The following ENOSF1 variants were observed in gnomAD, a reference collection of about 807,000 sequenced individuals.
The protein encoded by ENOSF1 is mitochondrial enolase superfamily member 1.
In ENOSF1, 73 loss-of-function variants were observed where a neutral mutation model predicts 68.2. The ratio of observed to expected loss-of-function variants is 1.07; its 90% CI spans 0.89 to 1.30. The LOEUF is 1.30. Among genes scored for constraint, ENOSF1 ranks in the 50% most tolerant of loss-of-function variants. ENOSF1 has a pLI of 0.00. For synonymous variants in ENOSF1, 223 were observed against 210.4 expected (o/e 1.06, Z -0.52); for missense variants, 589 against 554.5 (o/e 1.06, Z -0.62).
chr18:694,616 A>G (rs2077528904), intron 3 of ENOSF1, among the ~76,000 whole-genome samples: 1 of 150,632 alleles, frequency 6.6e-6, no homozygotes. Flanking sequence ...CAACAGAGCA[A>G]GACTCTGTCT....
intron 1 of ENOSF1, among the ~76,000 whole-genome samples, chr18:710,510 C>T (rs1427867974): frequency 6.6e-6 from 1 of 152,032 alleles, no homozygotes; most frequent in African/African-American, 2.4e-5. Flanking sequence ...TACAGCCACC[C>T]CTCCTTTTTT....
chr18:688,174 A>T (rs1007548733), intron 9 of ENOSF1: 4 of 164,916 alleles, frequency 2.4e-5, no homozygotes, highest in African/African-American at 9.6e-5. Flanking sequence ...TCTCAAAAAA[A>T]AAAAAGAGAA....
At chr18:697,116 C>T in intron 3 of ENOSF1, 124 bp downstream of exon 3, 1 of 782,200 alleles carries the variant, frequency 1.3e-6, no homozygotes, top group Non-Finnish European at 2.2e-6. Flanking sequence ...GACTCCATCT[C>T]AAAAAATAAA....
intron 11 of ENOSF1, chr18:682,864 C>G: frequency 6.1e-6 from 1 of 165,044 alleles, no homozygotes. Context: ...GCCTGGGCAA[C>G]AGAGTAAGAC....
chr18:690,717 G>C (rs1408545496), intron 7 of ENOSF1, 86 bp from the exon 8 acceptor site: 1 of 1,582,130 alleles, frequency 6.3e-7, no homozygotes, highest in Non-Finnish European at 8.6e-7. Context: ...GTTTCCCCTG[G>C]AGAGTCCAGC....
chr18:710,417 G>A (rs1436272723), intron 1 of ENOSF1, among the ~76,000 whole-genome samples: 1 of 152,082 alleles, frequency 6.6e-6, no homozygotes, highest in African/African-American at 2.4e-5. Context: ...GCCAAACCAG[G>A]CTGTCTTAAC....
At chr18:683,753 T>C (rs1360373415) in intron 10 of ENOSF1, among the ~76,000 whole-genome samples, 1 of 151,942 alleles carries the variant, frequency 6.6e-6, no homozygotes, top group Non-Finnish European at 1.5e-5. Context: ...AGAAACCATT[T>C]TGTCACATTC....
chr18:693,720 A>C, intron 5 of ENOSF1, 162 bp downstream of exon 5: 2 of 985,392 alleles, frequency 2.0e-6, no homozygotes, highest in Non-Finnish European at 2.4e-6. Context: ...GTTACGTCAG[A>C]TATCAGAAAA....
Position 712,559 on chromosome 18 carries a change from G to T in ENOSF1, c.29C>A (p.Ser10Ter). Residue 10 changes from serine (S) to a stop codon, truncating the protein, a stop_gained, in exon 1 of 16, where the codon TCG becomes TAG. Coordinates refer to ENST00000647584, the MANE Select transcript of ENOSF1 (RefSeq NM_017512.7). LOFTEE classifies it high-confidence loss of function. MVRGRISRL[S>*]VRDVRFPTSL... is the part of the protein sequence containing the mutation. ...CGTGGGGAAGCGCACGTCCCGGACC[G>T]AGAGCCGGGAGATCCTGCCGCGCAC... 1 of 1,539,330 alleles carries T rather than the reference G, an allele frequency of 6.5e-7. No homozygotes were observed. The highest frequency in any genetic ancestry group is 8.7e-7 in the Non-Finnish European group (1 of 1,146,282).
chr18:667,275 TGATGG>T (rs1343580174), downstream of ENOSF1, among the ~76,000 whole-genome samples: 1,341 of 18,204 alleles, frequency 0.074, 331 homozygotes, highest in East Asian at 0.13. Context: ...ATGGTGATGG[TGATGG>T]GATGGTGATG....
At chr18:707,305 A>G (rs1398214205) in intron 1 of ENOSF1, among the ~76,000 whole-genome samples, 1 of 152,222 alleles carries the variant, frequency 6.6e-6, no homozygotes, top group Non-Finnish European at 1.5e-5. Context: ...GATTACAGGC[A>G]TGAGCCATCA....
Position 677,868 on chromosome 18 carries a change from T to C in ENOSF1, c.923A>G (p.His308Arg). The C allele has an allele frequency of 6.2e-7, 1 of 1,612,290 alleles. No homozygotes were observed. The highest frequency in any genetic ancestry group is 8.5e-7 in the Non-Finnish European group (1 of 1,179,588). Residue 308 changes from histidine (H) to arginine (R), a missense_variant, in exon 13 of 16, where the codon CAC (histidine) becomes CGC (arginine). Physicochemically the swap from His to Arg is conservative, Grantham distance 29. Coordinates refer to ENST00000647584, the MANE Select transcript of ENOSF1 (RefSeq NM_017512.7). ...GAGTTGCTTAAATATCACTCTATTG[T>C]GGCACTGGAAATAGAATTGAAAATA... ...GIGIATGEQC[H>R]NRVIFKQLLQ...
rs749570279 is a variant in ENOSF1, at chr18:697,370, T to C, written c.194-15A>G. On this transcript the variant is annotated splice_polypyrimidine_tract_variant and intron_variant, in intron 2 of 15. Coordinates refer to ENST00000647584, the MANE Select transcript of ENOSF1 (RefSeq NM_017512.7). ...AGCACAGACAACTATTTAAAAAGGA[T>C]TGAACTCTTGTTTATGCTTCTATAC... 8 of 1,561,898 alleles carry C rather than the reference T, an allele frequency of 5.1e-6. No individual in the cohort carries two copies. The Admixed American group carries it at 1.2e-4, about 24-fold the overall frequency.
chr18:669,918 C>G (rs555599736), downstream of ENOSF1, among the ~76,000 whole-genome samples: 13 of 151,882 alleles, frequency 8.6e-5, no homozygotes, highest in African/African-American at 2.9e-4. Context: ...GTCATGATCA[C>G]GCCATTGCAC....
At position 691,057 on chromosome 18, in the gene ENOSF1, T is replaced by C; in HGVS notation, c.535+11A>G. 1.2e-6 allele frequency: 2 copies of C among 1,614,070 alleles called. No homozygotes were observed. Among genetic ancestry groups the C allele is most frequent in the Non-Finnish European group, 1.7e-6 (2 of 1,179,920 alleles). On this transcript the variant is annotated intron_variant, in intron 7 of 15. Transcript: ENST00000647584. ...AGCAAAAACAATGAAGAAAATTTTCTTACAACCCACCTCTTTCTTTTTTAC... is the reference window on the plus strand; with the variant it reads ...AGCAAAAACAATGAAGAAAATTTTCCTACAACCCACCTCTTTCTTTTTTAC...
In ENOSF1 at chr18:670,598, G is replaced by T; in HGVS notation, c.*3707C>A. 7.3e-7 allele frequency: 1 copy of T among 1,369,602 alleles called. No homozygotes were observed. The highest frequency in any genetic ancestry group is 1.0e-6 in the Non-Finnish European group (1 of 986,244). The allele number at this position is 1,369,602 out of a possible 1,614,324, so 84.8% of individuals were successfully genotyped here. On this transcript the variant is annotated 3_prime_UTR_variant, in exon 16 of 16. Coordinates refer to ENST00000647584, the MANE Select transcript of ENOSF1 (RefSeq NM_017512.7). ...CTCTCTCTCCTGGTCTCCACCATAT[G>T]AGTTGGCTTCTGTTTCTCTCCTGTT... is the stretch of plus-strand genomic sequence containing the variant.
chr18:676,732 C>T (rs919603123), intron 14 of ENOSF1, among the ~76,000 whole-genome samples: 12 of 152,268 alleles, frequency 7.9e-5, no homozygotes, highest in Admixed American at 3.3e-4. Flanking sequence ...AAGAGAAAAA[C>T]GGTTACCATT....
chr18:668,373 CTTCAG>C (rs983028814), downstream of ENOSF1, among the ~76,000 whole-genome samples: 10 of 152,278 alleles, frequency 6.6e-5, no homozygotes, highest in South Asian at 4.1e-4. Flanking sequence ...AAGCTCTGCA[CTTCAG>C]TTAACAAATC....
chr18:703,735 C>T (rs529513561), intron 2 of ENOSF1, among the ~76,000 whole-genome samples: 1 of 152,250 alleles, frequency 6.6e-6, no homozygotes, highest in Admixed American at 6.5e-5. Flanking sequence ...GAAGTTACCC[C>T]CTGAGATGGT....
Sources: gnomAD v4.1 joint callset for allele counts (sites outside exome capture counted in the v4.1 genomes callset) on GRCh38, gnomAD v4.1.1 for gene constraint, MANE v1.5 for transcripts, NCBI Gene and HGNC (gene_info 2026-07-23, HGNC 2026-07-21) for gene names.